TXNL4A: variants seen among roughly 807,000 people sequenced by gnomAD.
TXNL4A encodes the protein thioredoxin like 4A.
A neutral mutation model predicts 14.6 loss-of-function variants in TXNL4A; 17 were observed. That is an observed-to-expected ratio of 1.16 (90% CI 0.80 to 1.74). The LOEUF is 1.74. Ranked by LOEUF, TXNL4A falls within the 40% of genes most tolerant of loss-of-function variation. The pLI is 0.00. For missense variants in TXNL4A, 74 were observed against 195.2 expected (o/e 0.38, Z 3.70); for synonymous variants, 83 against 70.6 (o/e 1.18, Z -0.88).
intron 2 of TXNL4A, 93 bp downstream of exon 2, chr18:79,977,505 C>T (rs2051396452): frequency 9.0e-7 from 1 of 1,105,926 alleles, no homozygotes; most frequent in Admixed American, 2.2e-5. Context: ...CAACCAACTT[C>T]CTTCAAAATA....
At chr18:79,974,052 T>C (rs753150097) in intron 2 of TXNL4A, among the ~76,000 whole-genome samples, 196 bp from the exon 3 acceptor site, 1 of 152,194 alleles carries the variant, frequency 6.6e-6, no homozygotes, top group Non-Finnish European at 1.5e-5. Flanking sequence ...TGCAATGCAT[T>C]GTCCACCATG....
chr18:80,010,103 T>C (rs896304402), intron 1 of TXNL4A, among the ~76,000 whole-genome samples: 2 of 152,208 alleles, frequency 1.3e-5, no homozygotes, highest in Admixed American at 6.5e-5. Context: ...TAACAGTTTT[T>C]GTTCTTTGAG....
At chr18:80,005,320 C>A (rs953880179) in intron 1 of TXNL4A, among the ~76,000 whole-genome samples, 1 of 152,216 alleles carries the variant, frequency 6.6e-6, no homozygotes, top group Non-Finnish European at 1.5e-5. Flanking sequence ...TTGGCAAGCT[C>A]CCCTGGGGGG....
chr18:79,990,044 G>A (rs1338509360), upstream of TXNL4A, among the ~76,000 whole-genome samples: 1 of 152,166 alleles, frequency 6.6e-6, no homozygotes, highest in Non-Finnish European at 1.5e-5. Flanking sequence ...CTCTCAGATG[G>A]GCTGTGGCAT....
At chr18:79,996,113 A>AAC (rs888219251) in intron 1 of TXNL4A, among the ~76,000 whole-genome samples, 11 of 150,562 alleles carry the variant, frequency 7.3e-5, no homozygotes, top group South Asian at 2.1e-4. Context: ...CAAAAAAAAA[A>AAC]AAAAAAAAAA....
At chr18:79,974,706 T>C (rs1054313298) in intron 2 of TXNL4A, among the ~76,000 whole-genome samples, 3 of 152,086 alleles carry the variant, frequency 2.0e-5, no homozygotes, top group Admixed American at 6.6e-5. Flanking sequence ...CTCAAACTCA[T>C]GGCCTCAAGT....
chr18:79,977,482 G>A, intron 2 of TXNL4A, 116 bp downstream of exon 2: 1 of 821,528 alleles, frequency 1.2e-6, no homozygotes. Context: ...AACGATTTTG[G>A]GACATGACTG....
chr18:79,976,930 A>G, intron 2 of TXNL4A: 3 of 360,200 alleles, frequency 8.3e-6, no homozygotes, highest in South Asian at 6.2e-5. Flanking sequence ...AGGACACCGA[A>G]GTTGATGATA....
intron 1 of TXNL4A, among the ~76,000 whole-genome samples, chr18:80,018,215 C>G (rs1349638512): frequency 2.6e-5 from 4 of 152,192 alleles, no homozygotes; most frequent in Admixed American, 2.0e-4. Context: ...GGAAACTGAA[C>G]AGCCTGCTCC....
chr18:79,982,378 A>G lies in TXNL4A; in HGVS notation c.154-4677T>C, dbSNP rs1267742434. 6.6e-6 allele frequency among the ~76,000 whole-genome samples: 1 copy of G among 152,182 alleles called. No individual in the cohort carries two copies. The highest frequency in any genetic ancestry group is 2.4e-5 in the African/African-American group (1 of 41,436). On this transcript the variant is annotated intron_variant, in intron 1 of 2. Coordinates refer to ENST00000269601, the MANE Select transcript of TXNL4A (RefSeq NM_006701.5). This position sits in a 1 kb window ranked among gnomAD's most constrained non-coding sequence, Gnocchi z 4.0. Reference sequence around the variant, plus strand: ...TGAGAAAACTAAGGGACATCCAGAGAAAAAGGCCCTCCAGGTAGCGACTGG... The same window carrying G: ...TGAGAAAACTAAGGGACATCCAGAGGAAAAGGCCCTCCAGGTAGCGACTGG...
At chr18:80,022,676 A>C (rs1244694829) in intron 1 of TXNL4A, among the ~76,000 whole-genome samples, 1 of 152,192 alleles carries the variant, frequency 6.6e-6, no homozygotes. Context: ...ACCCATCTAG[A>C]GAGTGGGAGA....
At chr18:80,021,463 C>G (rs1455970968) in intron 1 of TXNL4A, among the ~76,000 whole-genome samples, 2 of 152,114 alleles carry the variant, frequency 1.3e-5, no homozygotes, top group Non-Finnish European at 2.9e-5. Flanking sequence ...AGGCATGAGC[C>G]ACTGCCCCTG....
At chr18:79,988,070 GCA>G (rs930571827) in intron 1 of TXNL4A, among the ~76,000 whole-genome samples, 168 bp downstream of exon 1, 35 of 152,396 alleles carry the variant, frequency 2.3e-4, no homozygotes, top group African/African-American at 6.0e-4. Flanking sequence ...TGAAACGCCG[GCA>G]CAGTCCCCGA....
intron 1 of TXNL4A, among the ~76,000 whole-genome samples, chr18:80,012,846 T>G (rs1437596249): frequency 2.0e-5 from 3 of 151,778 alleles, no homozygotes; most frequent in South Asian, 2.1e-4. Flanking sequence ...TTTTTTTTTT[T>G]GGGACCGGGG....
intron 1 of TXNL4A, among the ~76,000 whole-genome samples, chr18:80,014,053 ACCAGC>A (rs2051790371): frequency 6.6e-6 from 1 of 152,144 alleles, no homozygotes; most frequent in African/African-American, 2.4e-5. Flanking sequence ...CAGAGGAAAG[ACCAGC>A]CCCCATGATT....
intron 1 of TXNL4A, among the ~76,000 whole-genome samples, chr18:80,006,243 G>GCA: frequency 6.6e-6 from 1 of 152,114 alleles, no homozygotes; most frequent in Admixed American, 6.5e-5. Context: ...AATTAGCCGG[G>GCA]TGTGGTGGCA....
intron 1 of TXNL4A, among the ~76,000 whole-genome samples, chr18:79,986,071 C>T (rs2051543087): frequency 6.6e-6 from 1 of 150,980 alleles, no homozygotes; most frequent in Non-Finnish European, 1.5e-5. Flanking sequence ...CAGAGTCTCA[C>T]TCCTGTTGCC....
intron 1 of TXNL4A, among the ~76,000 whole-genome samples, chr18:80,018,545 G>A (rs1568380627): frequency 6.6e-6 from 1 of 152,038 alleles, no homozygotes; most frequent in African/African-American, 2.4e-5. Context: ...ATGAATCCAG[G>A]AGCTGGTTTT....
In TXNL4A at chr18:80,011,520, GGAAA is replaced by G. The variant is rs549642864; in HGVS notation, c.-61+22327_-61+22330del. On this transcript the variant is annotated intron_variant, in intron 1 of 2. Transcript: ENST00000585474. The surrounding 1 kb of genome is among the most constrained non-coding windows in gnomAD (Gnocchi z 4.1). ...CTTCCACCCTTGCTGCAATATTGTG[GGAAA>G]GAGTTTCTGGGGCGCCAGATGAGTT... 8.7e-6 allele frequency among the ~76,000 whole-genome samples: 1 copy of G among 114,448 alleles called. No individual in the cohort carries two copies. The highest frequency in any genetic ancestry group is 1.9e-5 in the Non-Finnish European group (1 of 53,796). The allele number at this position is 114,448 out of a possible 152,430, so 75.1% of individuals were successfully genotyped here. A position where few individuals can be genotyped will look rare whatever the true frequency, so the allele number is the denominator to read the frequency against.
Sources: allele counts gnomAD v4.1 joint callset (sites outside exome capture counted in the v4.1 genomes callset), GRCh38; gene constraint gnomAD v4.1.1; non-coding constraint Gnocchi (gnomAD v3.1); transcripts MANE v1.5; gene names NCBI Gene and HGNC (gene_info 2026-07-23, HGNC 2026-07-21).